ACYP2: variants seen among roughly 807,000 people sequenced by gnomAD.
The protein encoded by ACYP2 is acylphosphatase-2.
In ACYP2, 12 loss-of-function variants were observed where a neutral mutation model predicts 11.2. The ratio of observed to expected loss-of-function variants is 1.08; its 90% CI spans 0.69 to 1.74. ACYP2 has a LOEUF of 1.74. Ranked by LOEUF, ACYP2 falls within the 40% of genes most tolerant of loss-of-function variation. ACYP2 has a pLI of 0.00. For synonymous variants in ACYP2, 43 were observed against 32.2 expected (o/e 1.33, Z -1.13); for missense variants, 134 against 101.9 (o/e 1.31, Z -1.35).
intron 6 of ACYP2, among the ~76,000 whole-genome samples, chr2:54,217,254 G>A (rs1685596109): frequency 6.6e-6 from 1 of 152,176 alleles, no homozygotes; most frequent in Non-Finnish European, 1.5e-5. Context: ...TTCTCCCAAT[G>A]TCTAATACTT....
chr2:54,174,357 T>C (rs1450430317), intron 6 of ACYP2, among the ~76,000 whole-genome samples: 1 of 152,200 alleles, frequency 6.6e-6, no homozygotes, highest in East Asian at 1.9e-4. Flanking sequence ...ATGCTTGTGA[T>C]TTTTGCACAT....
At chr2:54,104,836 A>G (rs144084728) in intron 4 of ACYP2, among the ~76,000 whole-genome samples, 1 of 152,328 alleles carries the variant, frequency 6.6e-6, no homozygotes, top group East Asian at 1.9e-4. Context: ...AAGTTCCCCA[A>G]GTGAACATAA....
At chr2:54,046,844 A>G (rs560395473) in intron 2 of ACYP2, among the ~76,000 whole-genome samples, 1 of 152,292 alleles carries the variant, frequency 6.6e-6, no homozygotes, top group African/African-American at 2.4e-5. Flanking sequence ...TATATAGCCA[A>G]TCCTAATCAA....
chr2:54,288,713 A>G (rs899239906), intron 6 of ACYP2, among the ~76,000 whole-genome samples: 9 of 152,028 alleles, frequency 5.9e-5, no homozygotes. Flanking sequence ...TGGCAACTCC[A>G]CCGATGTAAC....
chr2:54,047,369 T>G (rs1675579561), intron 2 of ACYP2, among the ~76,000 whole-genome samples: 1 of 152,208 alleles, frequency 6.6e-6, no homozygotes, highest in South Asian at 2.1e-4. Flanking sequence ...GAGACATTAT[T>G]TTAGAATGTA....
chr2:54,174,597 T>C (rs1683357777), intron 6 of ACYP2, among the ~76,000 whole-genome samples: 6 of 152,224 alleles, frequency 3.9e-5, no homozygotes, highest in Admixed American at 3.9e-4. Flanking sequence ...ATCCTTGTCT[T>C]GTGCTGGTTT....
chr2:54,094,415 A>G (rs1210717560), intron 4 of ACYP2, among the ~76,000 whole-genome samples: 3 of 151,980 alleles, frequency 2.0e-5, no homozygotes, highest in African/African-American at 7.3e-5. Context: ...TTTTTAGTAG[A>G]GACGGGGTTT....
chr2:54,123,152 G>C (rs1680255095), intron 4 of ACYP2: 1 of 388,006 alleles, frequency 2.6e-6, no homozygotes. Context: ...CCTGTGACAA[G>C]GGCAGGGTAG....
At chr2:54,279,795 T>C (rs1246587735) in intron 6 of ACYP2, among the ~76,000 whole-genome samples, 1 of 152,214 alleles carries the variant, frequency 6.6e-6, no homozygotes, top group Non-Finnish European at 1.5e-5. Flanking sequence ...CCAAGTATTA[T>C]ACGGAATTGT....
At position 54,136,318 on chromosome 2, in the gene ACYP2, C is replaced by T. The variant is rs559872668; in HGVS notation, c.294+849C>T. Among the ~76,000 whole-genome samples the T allele has an allele frequency of 3.9e-5, 6 of 152,208 alleles. No individual in the cohort carries two copies. The East Asian group carries it at 1.2e-3, about 29-fold the overall frequency. On this transcript the variant is annotated intron_variant, in intron 5 of 6. Coordinates refer to ENST00000607452, the MANE Select transcript of ACYP2 (RefSeq NM_001320586.2). Reference sequence around the variant, plus strand: ...GGCCTCCCAAAATGCCCATGCCTGGCTCCATGTTGCTTTTAAATTTTTAAT... The same window carrying T: ...GGCCTCCCAAAATGCCCATGCCTGGTTCCATGTTGCTTTTAAATTTTTAAT...
chr2:53,989,609 AC>A (rs1454343748), intron 2 of ACYP2, among the ~76,000 whole-genome samples: 1 of 152,018 alleles, frequency 6.6e-6, no homozygotes, highest in Admixed American at 6.6e-5. Context: ...CTGACCTCTA[AC>A]TTTAGAAGCC....
At chr2:54,280,989 G>C (rs1688825570) in intron 6 of ACYP2, among the ~76,000 whole-genome samples, 1 of 152,172 alleles carries the variant, frequency 6.6e-6, no homozygotes, top group African/African-American at 2.4e-5. Context: ...ACATCACCAA[G>C]AAGAGGAGGA....
intron 3 of ACYP2, among the ~76,000 whole-genome samples, chr2:54,051,939 C>T (rs1463676072): frequency 3.3e-5 from 5 of 151,860 alleles, no homozygotes; most frequent in Non-Finnish European, 5.9e-5. Context: ...CCCAGCTACT[C>T]GGGAAGCTGA....
rs62137979 is a variant in ACYP2 at position 54,108,737 on chromosome 2, T to G, written c.278-26716T>G. Among the ~76,000 whole-genome samples, 906 of 152,314 alleles carry G rather than the reference T, an allele frequency of 5.9e-3. 3 individuals carry two copies. Among genetic ancestry groups the G allele is most frequent in the Middle Eastern group, 0.014 (4 of 294 alleles). ...TCTGACTTTGCCATTTTTTGCCTCC[T>G]TGGTGTGTCCAAGCAGTGGCATCTG... On this transcript the variant is annotated intron_variant, in intron 4 of 6. Transcript: ENST00000607452.
chr2:54,046,482 TA>T (rs34695884), intron 2 of ACYP2, among the ~76,000 whole-genome samples: 3,621 of 88,790 alleles, frequency 0.041, 79 homozygotes, highest in African/African-American at 0.092. Flanking sequence ...CAAGACTGTC[TA>T]AAAAAAAAAA....
At chr2:54,021,874 A>C (rs1238165121) in intron 2 of ACYP2, among the ~76,000 whole-genome samples, 2 of 152,200 alleles carry the variant, frequency 1.3e-5, no homozygotes, top group Non-Finnish European at 2.9e-5. Flanking sequence ...GGCAACTCTT[A>C]ATAAATAGTG....
intron 2 of ACYP2, among the ~76,000 whole-genome samples, chr2:53,978,922 C>G (rs1671619834): frequency 6.7e-6 from 1 of 150,026 alleles, no homozygotes; most frequent in South Asian, 2.3e-4. Flanking sequence ...GACCTCATCT[C>G]AAACTTAAAA....
chr2:54,051,157 G>T lies in ACYP2; in HGVS notation c.155+107G>T, dbSNP rs536738008. 5 of 701,648 alleles carry T rather than the reference G, an allele frequency of 7.1e-6. No individual in the cohort carries two copies. The South Asian group carries it at 8.1e-5, about 11-fold the overall frequency. The allele number at this position is 701,648 out of a possible 1,614,324, so 43.5% of individuals were successfully genotyped here. A position where few individuals can be genotyped will look rare whatever the true frequency, so the allele number is the denominator to read the frequency against. ...CATAGAGACAGCACTGGGCAAGTGA[G>T]AACCAGACAGGCATTGGGCGACTCT... is the stretch of plus-strand genomic sequence containing the variant. On this transcript the variant is annotated intron_variant, in intron 3 of 6. Coordinates refer to ENST00000607452, the MANE Select transcript of ACYP2 (RefSeq NM_001320586.2).
intron 6 of ACYP2, among the ~76,000 whole-genome samples, chr2:54,288,199 A>G (rs1454403650): frequency 2.6e-5 from 4 of 151,998 alleles, no homozygotes; most frequent in African/African-American, 9.7e-5. Flanking sequence ...TAAAGATACT[A>G]CAATTAAGTG....
Sources: allele counts gnomAD v4.1 joint callset (sites outside exome capture counted in the v4.1 genomes callset), GRCh38; gene constraint gnomAD v4.1.1; transcripts MANE v1.5; gene names NCBI Gene and HGNC (gene_info 2026-07-23, HGNC 2026-07-21).